GNAS: variants seen among roughly 807,000 people sequenced by gnomAD.
GNAS encodes the protein protein ALEX.
In GNAS, 8 loss-of-function variants were observed where a neutral mutation model predicts 54.5. The ratio of observed to expected loss-of-function variants is 0.15; its 90% CI spans 0.09 to 0.26. The LOEUF is 0.26. Ranked by LOEUF, GNAS falls within the 10% of genes least tolerant of loss-of-function variation. GNAS has a pLI of 1.00. For missense variants in GNAS, 170 were observed against 529.8 expected, an observed-to-expected ratio of 0.32 and a Z score of 6.67; for synonymous variants, 204 against 191.4, an observed-to-expected ratio of 1.07 and a Z score of -0.54.
intron 1 of GNAS, among the ~76,000 whole-genome samples, chr20:58,881,334 T>A (rs2088207054): frequency 1.3e-5 from 2 of 152,172 alleles, no homozygotes; most frequent in African/African-American, 4.8e-5. Context: ...CAATTAAGTT[T>A]TATATCCATT....
At chr20:58,883,918 C>T (rs2088419322) in intron 1 of GNAS, among the ~76,000 whole-genome samples, 1 of 152,248 alleles carries the variant, frequency 6.6e-6, no homozygotes, top group Non-Finnish European at 1.5e-5. Context: ...GGTAATTACA[C>T]ATTTTTCAAT....
intron 1 of GNAS, chr20:58,854,049 A>C (rs1568925269): frequency 6.2e-7 from 1 of 1,610,936 alleles, no homozygotes; most frequent in Non-Finnish European, 8.5e-7. Flanking sequence ...CGCGGCCTCG[A>C]GTGCGGTCCG....
Position 58,910,506 on chromosome 20 carries a change from G to C in GNAS, c.1038+105G>C. 1 of 1,157,776 alleles carries C rather than the reference G, an allele frequency of 8.6e-7. No homozygotes were observed. The allele number at this position is 1,157,776 out of a possible 1,614,324, so 71.7% of individuals were successfully genotyped here. A position where few individuals can be genotyped will look rare whatever the true frequency, so the allele number is the denominator to read the frequency against. Reference sequence around the variant, plus strand: ...CAGGGGTTCAGCTACCCAGTTCCATGGTTTTAGTTCACGCACATCCAGTGT... The same window carrying C: ...CAGGGGTTCAGCTACCCAGTTCCATCGTTTTAGTTCACGCACATCCAGTGT... On this transcript the variant is annotated intron_variant, in intron 12 of 12. Coordinates refer to ENST00000371085, the MANE Select transcript of GNAS (RefSeq NM_000516.7). This position sits in a 1 kb window ranked among gnomAD's most constrained non-coding sequence, Gnocchi z 5.8.
chr20:58,841,955 G>A lies in GNAS; in HGVS notation c.43+1069G>A. 8.8e-7 allele frequency: 1 copy of A among 1,140,446 alleles called. No homozygotes were observed. The highest frequency in any genetic ancestry group is 1.1e-6 in the Non-Finnish European group (1 of 904,540). The allele number at this position is 1,140,446 out of a possible 1,614,324, so 70.6% of individuals were successfully genotyped here. The stretch of plus-strand genomic sequence containing the variant: ...AACTTACAATTCGTTTCCAAAGAGC[G>A]CGGTACGCGCAGAGCTGGGGAAAGG... On this transcript the variant is annotated intron_variant, in intron 1 of 12. Transcript: ENST00000306090. The surrounding 1 kb of genome is among the most constrained non-coding windows in gnomAD (Gnocchi z 5.0).
intron 5 of GNAS, among the ~76,000 whole-genome samples, chr20:58,904,713 G>T (rs954143730): frequency 1.3e-5 from 2 of 152,082 alleles, no homozygotes; most frequent in African/African-American, 4.8e-5. Context: ...GAAATTTAGT[G>T]GTATATAGTT....
At chr20:58,854,490 G>A (rs1555874346) in intron 1 of GNAS, 9 of 1,582,972 alleles carry the variant, frequency 5.7e-6, no homozygotes, top group Non-Finnish European at 7.7e-6. Flanking sequence ...GGCAACCCCA[G>A]AAGATCCCGA....
chr20:58,893,266 A>G (rs1485336645), intron 1 of GNAS, among the ~76,000 whole-genome samples: 1 of 151,660 alleles, frequency 6.6e-6, no homozygotes, highest in Non-Finnish European at 1.5e-5. Context: ...ATAATAAAAT[A>G]AAAAAAGGTT....
rs771111377 is a variant in GNAS at position 58,903,592 on chromosome 20, G to A, written c.312+7G>A. On this transcript the variant is annotated splice_region_variant and intron_variant, in intron 4 of 12. Coordinates refer to ENST00000371085, the MANE Select transcript of GNAS (RefSeq NM_000516.7). ...CCTGAAAGAGGCGATTGAAGTACGT[G>A]CTGGCTCCTTGTGCTGTCTGTCTTG... 17 of 1,613,940 alleles carry A rather than the reference G, an allele frequency of 1.1e-5. No individual in the cohort carries two copies. In the Admixed American group the frequency reaches 2.0e-4, roughly 19 times the overall value.
In GNAS at chr20:58,854,153, G is replaced by T. The variant is rs1392004008; in HGVS notation, c.43+13267G>T. On this transcript the variant is annotated intron_variant, in intron 1 of 12. Coordinates refer to the GNAS transcript ENST00000306090. ...CTGTCAGACCTCCTTCTAACTTCAC[G>T]GGCAGCAGCCCCTGGATGGAGATCT... The T allele has an allele frequency of 2.7e-5, 44 of 1,612,380 alleles. No homozygotes were observed. The highest frequency in any genetic ancestry group is 3.6e-5 in the Non-Finnish European group (42 of 1,179,746).
Position 58,898,675 on chromosome 20 carries a change from T to G in GNAS, c.213-266T>G. The G allele has an allele frequency of 1.2e-5, 7 of 580,078 alleles. No homozygotes were observed. The South Asian group carries it at 1.5e-4, about 13-fold the overall frequency. 35.9% of individuals were successfully genotyped at this position (580,078 alleles called of 1,614,324 possible). ...GCACAAGAAAACAATTATCCATCCC[T>G]CCTGTCTCCGACCAGAGTCTCCAGA... On this transcript the variant is annotated intron_variant, in intron 2 of 12. Coordinates refer to ENST00000371085, the MANE Select transcript of GNAS (RefSeq NM_000516.7).
At chr20:58,868,342 T>C (rs1012774612) in intron 1 of GNAS, among the ~76,000 whole-genome samples, 2 of 151,664 alleles carry the variant, frequency 1.3e-5, no homozygotes, top group African/African-American at 4.9e-5. Context: ...TTAGTAGAGA[T>C]GGGGTTTCAC....
At chr20:58,876,218 G>C (rs543802466) in intron 1 of GNAS, among the ~76,000 whole-genome samples, 2 of 152,144 alleles carry the variant, frequency 1.3e-5, no homozygotes, top group Non-Finnish European at 2.9e-5. Context: ...TCTGAGATGC[G>C]TGATCTTTAG....
intron 1 of GNAS, among the ~76,000 whole-genome samples, chr20:58,870,950 C>T (rs564782640): frequency 4.5e-4 from 69 of 152,276 alleles, no homozygotes; most frequent in African/African-American, 1.6e-3. Flanking sequence ...TGATCATTAT[C>T]TCCCCCTGTT....
At chr20:58,871,968 G>A (rs1401145710) in intron 1 of GNAS, among the ~76,000 whole-genome samples, 7 of 152,220 alleles carry the variant, frequency 4.6e-5, no homozygotes, top group South Asian at 4.2e-4. Flanking sequence ...TGGCTAGACC[G>A]GACAGGAGTA....
In GNAS at chr20:58,853,846, T is replaced by C. The variant is rs750986676; in HGVS notation, c.43+12960T>C. 2.1e-5 allele frequency: 33 copies of C among 1,593,466 alleles called. No individual in the cohort carries two copies. The highest frequency in any genetic ancestry group is 2.7e-5 in the Non-Finnish European group (32 of 1,170,742). ...CCAGGAGGCCCAGGTGCTGCAGGGG[T>C]CCCCGGAGCTCCTCCCGAGGAGCCC... On this transcript the variant is annotated intron_variant, in intron 1 of 12. Coordinates refer to the GNAS transcript ENST00000306090. This position sits in a 1 kb window ranked among gnomAD's most constrained non-coding sequence, Gnocchi z 4.4.
At chr20:58,858,370 AAGAGAG>A (rs139713343) in intron 1 of GNAS, among the ~76,000 whole-genome samples, 1 of 151,024 alleles carries the variant, frequency 6.6e-6, no homozygotes, top group Non-Finnish European at 1.5e-5. Flanking sequence ...TAAGAAATCA[AAGAGAG>A]AGAGAGAGAG....
chr20:58,848,442 C>T (rs1184558158), intron 1 of GNAS, among the ~76,000 whole-genome samples: 2 of 152,222 alleles, frequency 1.3e-5, no homozygotes, highest in Non-Finnish European at 2.9e-5. Flanking sequence ...ACTTTCCTTC[C>T]TCAGTCCTAT....
At chr20:58,891,256 G>GC (rs2089240905), upstream of GNAS, 3 of 146,636 alleles carry the variant, frequency 2.0e-5, no homozygotes, top group Admixed American at 6.7e-5. Context: ...CGCCGCCGCC[G>GC]CGGCCGCTCC....
chr20:58,846,678 C>T (rs1400064087), intron 1 of GNAS, among the ~76,000 whole-genome samples: 9 of 152,242 alleles, frequency 5.9e-5, no homozygotes, highest in Non-Finnish European at 7.3e-5. Flanking sequence ...CACGTTTCTT[C>T]TCCCCTCAAC....
Sources: allele counts gnomAD v4.1 joint callset (sites outside exome capture counted in the v4.1 genomes callset), GRCh38; gene constraint gnomAD v4.1.1; non-coding constraint Gnocchi (gnomAD v3.1); transcripts MANE v1.5; gene names NCBI Gene and HGNC (gene_info 2026-07-23, HGNC 2026-07-21).